DOCK5: variants seen among roughly 807,000 people sequenced by gnomAD.
The protein encoded by DOCK5 is dedicator of cytokinesis 5, also known as dedicator of cytokinesis protein 5.
DOCK5 carries 142 observed loss-of-function variants against 251.8 expected under a neutral mutation model. The ratio of observed to expected loss-of-function variants is 0.56; its 90% confidence interval spans 0.49 to 0.65. DOCK5 has a LOEUF of 0.65. Ranked by LOEUF, DOCK5 falls within the 30% of genes least tolerant of loss-of-function variation. The pLI is 0.00. For synonymous variants in DOCK5, 842 were observed against 835.5 expected, an observed-to-expected ratio of 1.01 and a Z score of -0.13; for missense variants, 2,111 against 2,312.3, an observed-to-expected ratio of 0.91 and a Z score of 1.79.
At chr8:25,195,251 CTTT>C (rs59704416) in intron 1 of DOCK5, among the ~76,000 whole-genome samples, 164 of 106,202 alleles carry the variant, frequency 1.5e-3, no homozygotes, top group African/African-American at 6.6e-3. Context: ...CTCCTTATCA[CTTT>C]TTTTTTTTTT....
At chr8:25,384,643 A>G (rs1168573178) in intron 40 of DOCK5, among the ~76,000 whole-genome samples, 1 of 151,778 alleles carries the variant, frequency 6.6e-6, no homozygotes, top group Non-Finnish European at 1.5e-5. Flanking sequence ...GTATTTTAGT[A>G]GAGATGGGGT....
At chr8:25,282,715 T>TTACA (rs1804229543) in intron 5 of DOCK5, among the ~76,000 whole-genome samples, 1 of 151,806 alleles carries the variant, frequency 6.6e-6, no homozygotes, top group African/African-American at 2.4e-5. Flanking sequence ...CTGGGCACAG[T>TTACA]GGCACATACC....
In DOCK5 at chr8:25,296,725, T is replaced by G; in HGVS notation, c.606+77T>G. On this transcript the variant is annotated intron_variant, in intron 7 of 51. Transcript: ENST00000276440. ...TGGTTTTTAATGAAAGAAAGGGAAATCATTGAGAACAAAACTACTTCTGTA... is the reference window on the plus strand; with the variant it reads ...TGGTTTTTAATGAAAGAAAGGGAAAGCATTGAGAACAAAACTACTTCTGTA... The G allele has an allele frequency of 2.6e-6, 4 of 1,561,242 alleles. No homozygotes were observed. In the South Asian group the frequency reaches 4.7e-5, roughly 18 times the overall value.
chr8:25,334,054 G>T, intron 20 of DOCK5, 42 bp from the exon 21 acceptor site: 2 of 1,464,940 alleles, frequency 1.4e-6, no homozygotes, highest in South Asian at 1.1e-5. Flanking sequence ...AGAATACTTG[G>T]GATTGTGCAG....
chr8:25,243,756 G>C lies in DOCK5; in HGVS notation c.126G>C (p.Glu42Asp). The C allele has an allele frequency of 1.2e-6, 2 of 1,613,450 alleles. No homozygotes were observed. The highest frequency in any genetic ancestry group is 1.7e-5 in the Admixed American group (1 of 59,994). The stretch of plus-strand genomic sequence containing the variant: ...CAGTTCACATCCTGGAGATGTACGA[G>C]GGTAAGTCTGGCTGGCCTTCTGCCA... ...GDTVHILEMY[E>D]GWYRGYTLQN... is the part of the protein sequence containing the mutation. Residue 42 changes from glutamate to aspartate, a missense_variant and splice_region_variant, in exon 2 of 52, where the codon GAG (glutamate) becomes GAC (aspartate). By Grantham distance (45) the Glu-to-Asp change is conservative (BLOSUM62 2). Transcript: ENST00000276440.
intron 11 of DOCK5, among the ~76,000 whole-genome samples, chr8:25,306,220 A>G (rs1804920696): frequency 6.6e-6 from 1 of 152,202 alleles, no homozygotes; most frequent in African/African-American, 2.4e-5. Flanking sequence ...CTTGTATGCT[A>G]CCACCTATAT....
chr8:25,293,470 GTTA>G (rs1239298743), intron 6 of DOCK5, among the ~76,000 whole-genome samples: 12 of 152,148 alleles, frequency 7.9e-5, no homozygotes, highest in Non-Finnish European at 1.5e-4. Flanking sequence ...TGAGGTAGCT[GTTA>G]TTATTTACAT....
intron 4 of DOCK5, among the ~76,000 whole-genome samples, chr8:25,278,094 G>T (rs907265614): frequency 2.6e-5 from 4 of 152,120 alleles, no homozygotes; most frequent in Admixed American, 6.5e-5. Context: ...CCAGAAAGGG[G>T]TGCTGCCTCC....
intron 37 of DOCK5, chr8:25,376,108 A>G (rs1440596840): frequency 1.0e-6 from 1 of 970,332 alleles, no homozygotes; most frequent in Admixed American, 6.2e-5. Flanking sequence ...CAAAAGAAAA[A>G]AAAAAAAAAA....
chr8:25,321,109 G>T, intron 16 of DOCK5, 57 bp downstream of exon 16: 1 of 1,450,460 alleles, frequency 6.9e-7, no homozygotes, highest in Non-Finnish European at 9.6e-7. Flanking sequence ...GCTCTGGCTT[G>T]ACAGCCATCT....
At chr8:25,386,899 T>C (rs1246364705) in intron 40 of DOCK5, among the ~76,000 whole-genome samples, 2 of 152,144 alleles carry the variant, frequency 1.3e-5, no homozygotes, top group Non-Finnish European at 2.9e-5. Context: ...TTTAGAAAAA[T>C]AATGCCTACA....
At chr8:25,223,142 T>C (rs1012807371) in intron 1 of DOCK5, among the ~76,000 whole-genome samples, 2 of 152,162 alleles carry the variant, frequency 1.3e-5, no homozygotes, top group Non-Finnish European at 2.9e-5. Context: ...GGACTATTGA[T>C]ATGTGAAGGT....
At chr8:25,227,775 T>C (rs1802568427) in intron 1 of DOCK5, among the ~76,000 whole-genome samples, 1 of 152,244 alleles carries the variant, frequency 6.6e-6, no homozygotes, top group South Asian at 2.1e-4. Context: ...TCCTCATCTT[T>C]GTCAAGCAAA....
chr8:25,246,270 G>T (rs938915280), intron 2 of DOCK5, among the ~76,000 whole-genome samples: 1 of 151,946 alleles, frequency 6.6e-6, no homozygotes, highest in African/African-American at 2.4e-5. Context: ...TTTTGTTGTT[G>T]TTGTTGTTTT....
At chr8:25,225,558 T>C (rs970346505) in intron 1 of DOCK5, among the ~76,000 whole-genome samples, 1 of 151,890 alleles carries the variant, frequency 6.6e-6, no homozygotes, top group Admixed American at 6.6e-5. Flanking sequence ...TACACAAAAT[T>C]AGCCGGGCGT....
At position 25,412,641 on chromosome 8, in the gene DOCK5, A is replaced by G. The variant is rs555861485; in HGVS notation, c.*1343A>G. Reference sequence around the variant, plus strand: ...CTTAGATATTTGTGGCAAAGCAGAAAGCTTTTTGACTGTGAAGGCAGAGGT... The same window carrying G: ...CTTAGATATTTGTGGCAAAGCAGAAGGCTTTTTGACTGTGAAGGCAGAGGT... On this transcript the variant is annotated 3_prime_UTR_variant, in exon 52 of 52. Transcript: ENST00000276440. 48 of 152,374 alleles carry G rather than the reference A, an allele frequency of 3.2e-4. No individual in the cohort carries two copies. The highest frequency in any genetic ancestry group is 1.0e-3 in the African/African-American group (43 of 41,584). The allele number at this position is 152,374 out of a possible 1,614,324, so 9.4% of individuals were successfully genotyped here. A position where few individuals can be genotyped will look rare whatever the true frequency, so the allele number is the denominator to read the frequency against.
chr8:25,248,923 A>T (rs1466696401), intron 2 of DOCK5, among the ~76,000 whole-genome samples: 1 of 152,330 alleles, frequency 6.6e-6, no homozygotes, highest in Admixed American at 6.5e-5. Flanking sequence ...TATGAGGGAA[A>T]TACAGGGGGT....
intron 1 of DOCK5, among the ~76,000 whole-genome samples, chr8:25,237,625 A>G (rs1332608095): frequency 6.6e-6 from 1 of 152,168 alleles, no homozygotes; most frequent in Non-Finnish European, 1.5e-5. Context: ...CTTTCCTGTT[A>G]TAAACAGTAA....
At chr8:25,193,952 T>C (rs1801649511) in intron 1 of DOCK5, among the ~76,000 whole-genome samples, 1 of 152,002 alleles carries the variant, frequency 6.6e-6, no homozygotes, top group African/African-American at 2.4e-5. Flanking sequence ...TTCGCAAATA[T>C]GGAGTCTGTC....
Sources: allele counts gnomAD v4.1 joint callset (sites outside exome capture counted in the v4.1 genomes callset), GRCh38; gene constraint gnomAD v4.1.1; transcripts MANE v1.5; gene names NCBI Gene and HGNC (gene_info 2026-07-23, HGNC 2026-07-21).